The following EIPR1 variants were observed in gnomAD, a reference collection of about 807,000 sequenced individuals.
The protein encoded by EIPR1 is EARP and GARP complex-interacting protein 1.
In EIPR1, 25 loss-of-function variants were observed where a neutral mutation model predicts 48.1. The ratio of observed to expected loss-of-function variants is 0.52; its 90% CI spans 0.38 to 0.73. The LOEUF is 0.73. Ranked by LOEUF, EIPR1 falls within the 30% of genes least tolerant of loss-of-function variation. The pLI is 0.00. For missense variants in EIPR1, 415 were observed against 506.2 expected (o/e 0.82, Z 1.73); for synonymous variants, 204 against 201.9 (o/e 1.01, Z -0.09).
At chr2:3,266,897 G>A (rs528179697) in intron 3 of EIPR1, among the ~76,000 whole-genome samples, 186 of 152,350 alleles carry the variant, frequency 1.2e-3, no homozygotes, top group African/African-American at 3.8e-3. Flanking sequence ...GTGCAGAGGC[G>A]TGGCCTCTCT....
At chr2:3,237,268 A>C (rs898385480) in intron 4 of EIPR1, among the ~76,000 whole-genome samples, 10 of 146,750 alleles carry the variant, frequency 6.8e-5, no homozygotes, top group South Asian at 2.1e-4. Flanking sequence ...ACACACACAC[A>C]CACCATACAT....
At position 3,377,816 on chromosome 2, in the gene EIPR1, A is replaced by C; in HGVS notation, c.-127T>G. The stretch of plus-strand genomic sequence containing the variant: ...CCCTCCCCGCAGCAAACGACTCCAA[A>C]CTGGAAGTCTTTCTGGCCCAGAACA... On this transcript the variant is annotated 5_prime_UTR_variant, in exon 1 of 9. Transcript: ENST00000382125. 1.8e-6 allele frequency: 2 copies of C among 1,124,742 alleles called. No homozygotes were observed. The highest frequency in any genetic ancestry group is 2.6e-5 in the East Asian group (1 of 37,840). The allele number at this position is 1,124,742 out of a possible 1,614,324, so 69.7% of individuals were successfully genotyped here.
At chr2:3,273,375 A>C (rs1412353489) in intron 3 of EIPR1, among the ~76,000 whole-genome samples, 1 of 152,208 alleles carries the variant, frequency 6.6e-6, no homozygotes, top group African/African-American at 2.4e-5. Context: ...CACAGATAGA[A>C]CGGGAAAGTA....
chr2:3,191,630 C>T (rs1664608982), intron 8 of EIPR1, among the ~76,000 whole-genome samples: 1 of 152,228 alleles, frequency 6.6e-6, no homozygotes, highest in African/African-American at 2.4e-5. Flanking sequence ...TCCTCTGGAA[C>T]CTGGGGCAAG....
intron 4 of EIPR1, among the ~76,000 whole-genome samples, chr2:3,245,066 G>A (rs1666752807): frequency 6.6e-6 from 1 of 152,100 alleles, no homozygotes; most frequent in African/African-American, 2.4e-5. Context: ...TTTTACTAAA[G>A]TATTTTCTCA....
intron 3 of EIPR1, among the ~76,000 whole-genome samples, chr2:3,327,430 C>T (rs888216375): frequency 6.6e-6 from 1 of 152,204 alleles, no homozygotes; most frequent in Non-Finnish European, 1.5e-5. Flanking sequence ...GTGATCTGTC[C>T]GCCTTGGCCT....
chr2:3,316,145 C>T (rs1390629963), intron 3 of EIPR1, among the ~76,000 whole-genome samples: 15 of 143,252 alleles, frequency 1.0e-4, no homozygotes, highest in African/African-American at 2.9e-4. Context: ...ACCACCATCA[C>T]CACCACCATC....
intron 2 of EIPR1, among the ~76,000 whole-genome samples, chr2:3,340,507 A>T (rs1437261334): frequency 6.6e-6 from 1 of 152,266 alleles, no homozygotes; most frequent in Non-Finnish European, 1.5e-5. Context: ...ACTTGTTTTT[A>T]TAAGTGAAAA....
chr2:3,237,432 G>A (rs927863189), intron 4 of EIPR1, among the ~76,000 whole-genome samples: 1 of 152,176 alleles, frequency 6.6e-6, no homozygotes, highest in Non-Finnish European at 1.5e-5. Context: ...TATTGTTACA[G>A]GTGTTCTATT....
intron 3 of EIPR1, among the ~76,000 whole-genome samples, chr2:3,299,238 G>T (rs959822672): frequency 9.2e-5 from 14 of 152,280 alleles, no homozygotes; most frequent in Admixed American, 8.5e-4. Flanking sequence ...TCCATGGACT[G>T]CCCCCTGTCC....
chr2:3,368,905 T>A (rs1230154225), intron 1 of EIPR1, among the ~76,000 whole-genome samples: 1 of 152,240 alleles, frequency 6.6e-6, no homozygotes, highest in African/African-American at 2.4e-5. Flanking sequence ...GTTGGTCTTT[T>A]ATTTGCAGTT....
chr2:3,291,865 C>A (rs142909653), intron 3 of EIPR1, among the ~76,000 whole-genome samples: 2 of 152,372 alleles, frequency 1.3e-5, no homozygotes, highest in Non-Finnish European at 2.9e-5. Flanking sequence ...AAGTTGGTCA[C>A]CTTCGCATGA....
At chr2:3,248,005 A>G (rs565030069) in intron 4 of EIPR1, among the ~76,000 whole-genome samples, 15 of 152,080 alleles carry the variant, frequency 9.9e-5, no homozygotes, top group Admixed American at 7.8e-4. Context: ...TCCACATGTC[A>G]TGTTGCAATG....
At chr2:3,321,656 G>T (rs1030594275) in intron 3 of EIPR1, among the ~76,000 whole-genome samples, 1 of 152,198 alleles carries the variant, frequency 6.6e-6, no homozygotes, top group African/African-American at 2.4e-5. Flanking sequence ...AGGGGAAAAT[G>T]CATCTTTAAA....
intron 1 of EIPR1, among the ~76,000 whole-genome samples, chr2:3,370,440 G>T (rs1376605277): frequency 6.7e-6 from 1 of 150,252 alleles, no homozygotes; most frequent in Non-Finnish European, 1.5e-5. Context: ...AAACTACTCC[G>T]AGCTACAGGA....
chr2:3,193,692 G>A (rs1664691693), intron 7 of EIPR1, among the ~76,000 whole-genome samples: 1 of 152,156 alleles, frequency 6.6e-6, no homozygotes, highest in South Asian at 2.1e-4. Flanking sequence ...ACATTTGGGT[G>A]GTTTCCAGGT....
intron 1 of EIPR1, among the ~76,000 whole-genome samples, chr2:3,369,838 C>A (rs1470866913): frequency 6.6e-6 from 1 of 152,212 alleles, no homozygotes; most frequent in Non-Finnish European, 1.5e-5. Flanking sequence ...CAGCAGTAAC[C>A]TCTGCAGACT....
In EIPR1 at chr2:3,210,630, T is replaced by C. The variant is rs1350523506; in HGVS notation, c.516+3519A>G. Among the ~76,000 whole-genome samples, 18 of 137,534 alleles carry C rather than the reference T, an allele frequency of 1.3e-4. 4 individuals are homozygous for C. The highest frequency in any genetic ancestry group is 3.5e-3 in the Middle Eastern group (1 of 282). The allele number at this position is 137,534 out of a possible 152,430, so 90.2% of individuals were successfully genotyped here. A position where few individuals can be genotyped will look rare whatever the true frequency, so the allele number is the denominator to read the frequency against. On this transcript the variant is annotated intron_variant, in intron 5 of 8. Transcript: ENST00000382125. The stretch of plus-strand genomic sequence containing the variant: ...TCTCACTGTTTACCTCCCAATTCTT[T>C]TTTTTTTTTTTTTTTTTTGAGACGG...
intron 4 of EIPR1, among the ~76,000 whole-genome samples, chr2:3,243,555 C>T (rs918637433): frequency 7.9e-5 from 12 of 152,086 alleles, no homozygotes; most frequent in African/African-American, 2.2e-4. Context: ...TGCTTGAACC[C>T]GGGAGGCAGA....
Sources: allele counts gnomAD v4.1 joint callset (sites outside exome capture counted in the v4.1 genomes callset), GRCh38; gene constraint gnomAD v4.1.1; transcripts MANE v1.5; gene names NCBI Gene and HGNC (gene_info 2026-07-23, HGNC 2026-07-21).